The following ERBB4 variants were observed in gnomAD, a reference collection of about 807,000 sequenced individuals.
ERBB4 encodes the protein erb-b2 receptor tyrosine kinase 4.
In ERBB4, 42 loss-of-function variants were observed where a neutral mutation model predicts 158.0. That is an observed-to-expected ratio of 0.27 (90% confidence interval 0.21 to 0.34). The LOEUF (loss-of-function observed/expected upper bound fraction) is 0.34, where lower values mean the gene tolerates loss of function less well. ERBB4 is among the 10% of genes least tolerant of loss of function. The pLI, the probability that ERBB4 is intolerant of heterozygous loss-of-function variation, is 1.00. For missense variants in ERBB4, 1,333 were observed against 1,624.1 expected (o/e 0.82, Z 3.08); for synonymous variants, 583 against 558.7 (o/e 1.04, Z -0.61).
At chr2:211,986,382 A>C (rs2081938222) in intron 2 of ERBB4, among the ~76,000 whole-genome samples, 1 of 152,178 alleles carries the variant, frequency 6.6e-6, no homozygotes, top group Admixed American at 6.5e-5. Flanking sequence ...TTGAGAGGAT[A>C]AATGATTTAC....
chr2:212,209,745 A>T (rs551643523), intron 1 of ERBB4, among the ~76,000 whole-genome samples: 22 of 152,260 alleles, frequency 1.4e-4, no homozygotes, highest in African/African-American at 5.3e-4. Context: ...TTTTCAATAT[A>T]TATGATTTTT....
rs367801279 is a variant in ERBB4, at chr2:211,562,769, C to CTTTTTTTTTTT, written c.2302-692_2302-682dup. Among the ~76,000 whole-genome samples the CTTTTTTTTTTT allele has an allele frequency of 1.1e-4, 14 of 125,706 alleles. 1 individual carries two copies. Among genetic ancestry groups the CTTTTTTTTTTT allele is most frequent in the African/African-American group, 3.2e-4 (9 of 28,292 alleles). 82.5% of individuals were successfully genotyped at this position (125,706 alleles called of 152,430 possible). A position where few individuals can be genotyped will look rare whatever the true frequency, so the allele number is the denominator to read the frequency against. ...GACTATAAAAATTTGACTACTCCAA[C>CTTTTTTTTTTT]TTTTTTTTTTTTTTTTTTTTGAGAC... On this transcript the variant is annotated intron_variant, in intron 19 of 27. Coordinates refer to ENST00000342788, the MANE Select transcript of ERBB4 (RefSeq NM_005235.3).
rs1352529274 is a variant in ERBB4, at chr2:211,655,577, C to CTA, written c.1946+2175_1946+2176dup. Among the ~76,000 whole-genome samples, 4 of 152,268 alleles carry CTA rather than the reference C, an allele frequency of 2.6e-5. No individual in the cohort carries two copies. The South Asian group carries it at 6.2e-4, about 24-fold the overall frequency. The stretch of plus-strand genomic sequence containing the variant: ...AAAGACGGAACACTTAACCACTGTA[C>CTA]TATATTACCCCTAACTAGTCCACTG... On this transcript the variant is annotated intron_variant, in intron 16 of 27. Coordinates refer to ENST00000342788, the MANE Select transcript of ERBB4 (RefSeq NM_005235.3).
chr2:211,899,624 C>G (rs1429379730), intron 3 of ERBB4, among the ~76,000 whole-genome samples: 1 of 151,988 alleles, frequency 6.6e-6, no homozygotes, highest in African/African-American at 2.4e-5. Context: ...TTGTTCATGT[C>G]TCTAGTGATA....
At chr2:212,102,660 C>T (rs2079118436) in intron 2 of ERBB4, among the ~76,000 whole-genome samples, 1 of 152,052 alleles carries the variant, frequency 6.6e-6, no homozygotes, top group Non-Finnish European at 1.5e-5. Context: ...AGTAATAATT[C>T]TAAAAGCCTA....
At chr2:212,368,164 G>A (rs942258372) in intron 1 of ERBB4, among the ~76,000 whole-genome samples, 1 of 152,098 alleles carries the variant, frequency 6.6e-6, no homozygotes, top group Non-Finnish European at 1.5e-5. Flanking sequence ...TAGCAAAATC[G>A]TGGAAGCAAC....
intron 3 of ERBB4, among the ~76,000 whole-genome samples, chr2:211,886,234 C>A (rs1330949913): frequency 6.6e-6 from 1 of 152,070 alleles, no homozygotes; most frequent in Non-Finnish European, 1.5e-5. Flanking sequence ...TTTCCCTGAC[C>A]ATCCTATTTA....
intron 2 of ERBB4, among the ~76,000 whole-genome samples, chr2:212,059,094 C>A (rs2077675654): frequency 6.6e-6 from 1 of 152,164 alleles, no homozygotes; most frequent in Non-Finnish European, 1.5e-5. Flanking sequence ...TCAGCAAAGT[C>A]TCAGGATACA....
intron 1 of ERBB4, among the ~76,000 whole-genome samples, chr2:212,388,984 A>G (rs2090766722): frequency 6.6e-6 from 1 of 152,142 alleles, no homozygotes; most frequent in African/African-American, 2.4e-5. Context: ...TGCAATTTGT[A>G]CCTGCTTTAC....
At chr2:212,459,197 TG>T (rs372070510) in intron 1 of ERBB4, among the ~76,000 whole-genome samples, 19 of 152,100 alleles carry the variant, frequency 1.2e-4, no homozygotes, top group African/African-American at 3.4e-4. Flanking sequence ...CTCTTTGAGT[TG>T]TTTTTTTTTA....
intron 3 of ERBB4, among the ~76,000 whole-genome samples, chr2:211,845,395 A>T (rs1033673810): frequency 1.3e-5 from 2 of 152,148 alleles, no homozygotes; most frequent in Non-Finnish European, 2.9e-5. Flanking sequence ...AGACGATATT[A>T]ACACCTATAG....
chr2:211,466,332 GT>G (rs1158162850), intron 20 of ERBB4, among the ~76,000 whole-genome samples: 10,955 of 118,496 alleles, frequency 0.092, 562 homozygotes, highest in African/African-American at 0.16. Flanking sequence ...TTTTTGTGTA[GT>G]TTTTTTTTTT....
intron 1 of ERBB4, among the ~76,000 whole-genome samples, chr2:212,179,444 C>T (rs77511847): frequency 0.024 from 3,616 of 148,916 alleles, 150 homozygotes; most frequent in African/African-American, 0.085. Context: ...TATTCTAAAA[C>T]TAGTAAGAGA....
At chr2:212,357,084 C>T (rs1482048216) in intron 1 of ERBB4, among the ~76,000 whole-genome samples, 1 of 151,668 alleles carries the variant, frequency 6.6e-6, no homozygotes, top group South Asian at 2.1e-4. Flanking sequence ...AGTGTCTTAT[C>T]CTTCAAAAAT....
chr2:211,700,815 T>C (rs2073206962), intron 12 of ERBB4, among the ~76,000 whole-genome samples: 2 of 152,190 alleles, frequency 1.3e-5, no homozygotes, highest in African/African-American at 4.8e-5. Context: ...GAGAGCAGAA[T>C]TTTCTAGGGT....
At chr2:212,040,810 T>G (rs1212114132) in intron 2 of ERBB4, among the ~76,000 whole-genome samples, 1 of 152,170 alleles carries the variant, frequency 6.6e-6, no homozygotes, top group Admixed American at 6.6e-5. Context: ...GGCTTTTCAC[T>G]GCCGTGAGAT....
At chr2:212,301,438 G>A (rs1249769949) in intron 1 of ERBB4, among the ~76,000 whole-genome samples, 3 of 151,260 alleles carry the variant, frequency 2.0e-5, no homozygotes, top group Non-Finnish European at 3.0e-5. Context: ...AACAAAATAC[G>A]AGCACTGTAA....
intron 2 of ERBB4, among the ~76,000 whole-genome samples, chr2:212,023,306 C>A (rs190163492): frequency 2.0e-5 from 3 of 152,144 alleles, no homozygotes; most frequent in Non-Finnish European, 2.9e-5. Context: ...TCCCTAATGT[C>A]TTTTCCAGTT....
At chr2:211,791,943 A>T (rs1290776522) in intron 3 of ERBB4, among the ~76,000 whole-genome samples, 1 of 151,728 alleles carries the variant, frequency 6.6e-6, no homozygotes, top group Non-Finnish European at 1.5e-5. Context: ...AATATCTTGA[A>T]TTTAACTTAT....
Sources: gnomAD v4.1 joint callset for allele counts (sites outside exome capture counted in the v4.1 genomes callset) on GRCh38, gnomAD v4.1.1 for gene constraint, MANE v1.5 for transcripts, NCBI Gene and HGNC (gene_info 2026-07-23, HGNC 2026-07-21) for gene names.